EML6: variants seen among roughly 807,000 people sequenced by gnomAD.
EML6 encodes EMAP like 6.
EML6 carries 154 observed loss-of-function variants against 240.1 expected under a neutral mutation model. The observed-to-expected ratio is 0.64, with a 90% confidence interval of 0.56 to 0.73. EML6 has a LOEUF of 0.73. Ranked by LOEUF, EML6 falls within the 30% of genes least tolerant of loss-of-function variation. The probability of loss-of-function intolerance (pLI) is 0.00; values close to 1 mark genes in which losing one functional copy is unlikely to be tolerated. For missense variants in EML6, 2,964 were observed against 2,474.6 expected (o/e 1.20, Z -4.20); for synonymous variants, 1,148 against 899.0 (o/e 1.28, Z -4.95).
At chr2:54,781,233 G>C (rs1218773903) in intron 2 of EML6, among the ~76,000 whole-genome samples, 1 of 152,158 alleles carries the variant, frequency 6.6e-6, no homozygotes, top group East Asian at 1.9e-4. Flanking sequence ...TGGCAGGCTG[G>C]CATAAGTGTT....
chr2:54,865,116 A>C (rs909374255), intron 13 of EML6, among the ~76,000 whole-genome samples: 8 of 152,352 alleles, frequency 5.3e-5, no homozygotes, highest in African/African-American at 1.9e-4. Flanking sequence ...GGAGACAATA[A>C]AATTTAAACA....
chr2:54,760,822 ATTTTTTTTTT>A (rs200476039), intron 2 of EML6, among the ~76,000 whole-genome samples: 7,095 of 120,400 alleles, frequency 0.059, 402 homozygotes, highest in East Asian at 0.34. Context: ...TTGAGGGAGC[ATTTTTTTTTT>A]TTTTTTTTTT....
chr2:54,916,747 G>A lies in EML6; in HGVS notation c.3499-12G>A, dbSNP rs115424324. Reference sequence around the variant, plus strand: ...TTGTGCAAAAATATCATTCTCTTTCGTTCTTTTTCAGATCGAGAAGATAGA... The same window carrying A: ...TTGTGCAAAAATATCATTCTCTTTCATTCTTTTTCAGATCGAGAAGATAGA... On this transcript the variant is annotated splice_polypyrimidine_tract_variant and intron_variant, in intron 25 of 41. Coordinates refer to ENST00000356458, the MANE Select transcript of EML6 (RefSeq NM_001039753.4). 516 of 1,477,128 alleles carry A rather than the reference G, an allele frequency of 3.5e-4. 3 individuals are homozygous for A. The South Asian group carries it at 4.0e-3, about 12-fold the overall frequency. The allele number at this position is 1,477,128 out of a possible 1,614,324, so 91.5% of individuals were successfully genotyped here. A position where few individuals can be genotyped will look rare whatever the true frequency, so the allele number is the denominator to read the frequency against.
chr2:54,835,194 A>G (rs1285456201), intron 7 of EML6, among the ~76,000 whole-genome samples: 2 of 152,182 alleles, frequency 1.3e-5, no homozygotes, highest in African/African-American at 4.8e-5. Flanking sequence ...CAAGTATTCC[A>G]AATCCCCTTC....
At chr2:54,952,188 T>C (rs1421129279) in intron 30 of EML6, among the ~76,000 whole-genome samples, 1 of 152,152 alleles carries the variant, frequency 6.6e-6, no homozygotes, top group African/African-American at 2.4e-5. Context: ...TAAAGCATCA[T>C]CTCCAGGCCT....
At chr2:54,892,425 A>C in intron 18 of EML6, 29 bp from the exon 19 acceptor site, 1 of 1,491,436 alleles carries the variant, frequency 6.7e-7, no homozygotes, top group Non-Finnish European at 9.1e-7. Context: ...AGATTTTATA[A>C]AGTAATAACT....
At chr2:54,963,894 C>T (rs1418692104) in intron 36 of EML6, 92 bp from the exon 37 acceptor site, 19 of 1,233,770 alleles carry the variant, frequency 1.5e-5, no homozygotes, top group Non-Finnish European at 2.0e-5. Context: ...GCTGCGAGGG[C>T]AGCCTGACTT....
chr2:54,838,409 A>T (rs1481336348), intron 7 of EML6, among the ~76,000 whole-genome samples: 1 of 152,240 alleles, frequency 6.6e-6, no homozygotes, highest in African/African-American at 2.4e-5. Flanking sequence ...CACTTTACAG[A>T]TGGAGGAACT....
At chr2:54,882,426 C>T (rs1334622869) in intron 17 of EML6, 1 of 152,038 alleles carries the variant, frequency 6.6e-6, no homozygotes, top group Non-Finnish European at 1.5e-5. Context: ...TAATCAGGTA[C>T]ATCTGTGCTC....
In EML6 at chr2:54,971,014, G is replaced by T. The variant is rs542964069; in HGVS notation, c.*919G>T. Reference sequence around the variant, plus strand: ...AAAATGGAAGGGGAAAAAGGCTCAGGAAGGTCTATGAGAATGAGCTGACTT... The same window carrying T: ...AAAATGGAAGGGGAAAAAGGCTCAGTAAGGTCTATGAGAATGAGCTGACTT... On this transcript the variant is annotated 3_prime_UTR_variant, in exon 42 of 42. Coordinates refer to ENST00000356458, the MANE Select transcript of EML6 (RefSeq NM_001039753.4). 2 of 152,330 alleles carry T rather than the reference G, an allele frequency of 1.3e-5. No individual in the cohort carries two copies. The highest frequency in any genetic ancestry group is 4.8e-5 in the African/African-American group (2 of 41,568). The allele number at this position is 152,330 out of a possible 1,614,324, so 9.4% of individuals were successfully genotyped here.
intron 21 of EML6, among the ~76,000 whole-genome samples, chr2:54,899,135 A>C (rs925977191): frequency 3.3e-5 from 5 of 152,234 alleles, no homozygotes; most frequent in Non-Finnish European, 5.9e-5. Flanking sequence ...AATGCTACAC[A>C]TTCAAAGGAC....
At chr2:54,968,011 T>A in intron 39 of EML6, 117 bp from the exon 40 acceptor site, 1 of 1,028,378 alleles carries the variant, frequency 9.7e-7, no homozygotes, top group African/African-American at 1.6e-5. Context: ...GCCTGGCTGT[T>A]GGGGACCCCT....
intron 28 of EML6, among the ~76,000 whole-genome samples, chr2:54,936,448 G>A (rs1675139454): frequency 6.6e-6 from 1 of 152,180 alleles, no homozygotes; most frequent in Non-Finnish European, 1.5e-5. Flanking sequence ...TGGTCATAAT[G>A]GATATTTTTA....
chr2:54,960,400 C>G (rs536027270), intron 35 of EML6, 66 bp downstream of exon 35: 9 of 1,204,726 alleles, frequency 7.5e-6, no homozygotes, highest in Non-Finnish European at 9.5e-6. Flanking sequence ...CCCTCCCAGC[C>G]GGCACTTTCT....
chr2:54,961,191 T>TTTTTTTTTTTTTTTTTTTTTTTTTG (rs1676491785), intron 35 of EML6, among the ~76,000 whole-genome samples: 3 of 111,676 alleles, frequency 2.7e-5, no homozygotes, highest in Non-Finnish European at 3.7e-5. Context: ...GTAGTTTTTT[T>TTTTTTTTTTTTTTTTTTTTTTTTTG]TTTTTTTTTT....
intron 28 of EML6, among the ~76,000 whole-genome samples, chr2:54,933,089 C>G (rs1046093668): frequency 6.6e-6 from 1 of 152,058 alleles, no homozygotes; most frequent in African/African-American, 2.4e-5. Context: ...TATTACAGTT[C>G]TTCAGGTAGA....
intron 18 of EML6, among the ~76,000 whole-genome samples, 160 bp downstream of exon 18, chr2:54,891,314 G>T (rs1436137161): frequency 2.0e-5 from 3 of 152,204 alleles, no homozygotes. Flanking sequence ...AACGCTTGAA[G>T]CTTAGAACAC....
intron 17 of EML6, chr2:54,881,716 G>T (rs7601973): frequency 0.46 from 69,243 of 150,988 alleles, 16,423 homozygotes; most frequent in East Asian, 0.77. Context: ...AATCCTTAAC[G>T]GAATGATACC....
intron 21 of EML6, among the ~76,000 whole-genome samples, chr2:54,896,450 C>T (rs1573095304): frequency 6.6e-6 from 1 of 152,112 alleles, no homozygotes; most frequent in African/African-American, 2.4e-5. Flanking sequence ...GTAACAGAAC[C>T]TTTTAGGAGC....
Sources: allele counts gnomAD v4.1 joint callset (sites outside exome capture counted in the v4.1 genomes callset), GRCh38; gene constraint gnomAD v4.1.1; transcripts MANE v1.5; gene names NCBI Gene and HGNC (gene_info 2026-07-23, HGNC 2026-07-21).